Variants in RTN4RL1 observed in about 807,000 individuals in gnomAD.
RTN4RL1 encodes the protein reticulon 4 receptor like 1.
Under a neutral mutation model 25.6 loss-of-function variants are expected in RTN4RL1, and 7 were observed. That is an observed-to-expected ratio of 0.27 (90% CI 0.16 to 0.51). The LOEUF is 0.51. RTN4RL1 is among the 20% of genes least tolerant of loss of function. The pLI is 0.97. For missense variants in RTN4RL1, 500 were observed against 615.6 expected (o/e 0.81, Z 1.99); for synonymous variants, 297 against 288.2 (o/e 1.03, Z -0.31).
intron 1 of RTN4RL1, among the ~76,000 whole-genome samples, chr17:1,941,974 G>A (rs1915447327): frequency 6.6e-6 from 1 of 152,214 alleles, no homozygotes. Context: ...ATGTGCAGAA[G>A]TGAGGCCCGA....
chr17:1,962,008 G>A (rs1006652785), intron 1 of RTN4RL1, among the ~76,000 whole-genome samples: 2 of 151,224 alleles, frequency 1.3e-5, no homozygotes, highest in South Asian at 4.2e-4. Flanking sequence ...CAGGCCGGGC[G>A]TGGTGGCTCA....
chr17:1,964,942 C>G (rs2066783361), intron 1 of RTN4RL1, among the ~76,000 whole-genome samples: 1 of 150,306 alleles, frequency 6.7e-6, no homozygotes, highest in African/African-American at 2.4e-5. Flanking sequence ...GCGTGCGCCA[C>G]CACGCCTGGC....
intron 1 of RTN4RL1, among the ~76,000 whole-genome samples, chr17:1,967,742 C>T (rs551521953): frequency 1.3e-5 from 2 of 152,156 alleles, no homozygotes; most frequent in East Asian, 1.9e-4. Context: ...CAGGTTTAAG[C>T]GATTCTCCTG....
chr17:1,960,254 T>A (rs1384628529), intron 1 of RTN4RL1, among the ~76,000 whole-genome samples: 1 of 114,960 alleles, frequency 8.7e-6, no homozygotes, highest in Non-Finnish European at 1.6e-5. Flanking sequence ...CCACCCTCAC[T>A]GGTCTCCCTG....
chr17:1,961,625 A>G (rs2066761727), intron 1 of RTN4RL1, among the ~76,000 whole-genome samples: 1 of 151,866 alleles, frequency 6.6e-6, no homozygotes, highest in Admixed American at 6.6e-5. Context: ...CACCCCACAG[A>G]CACAAAGAAA....
intron 1 of RTN4RL1, among the ~76,000 whole-genome samples, chr17:1,999,392 A>G (rs2066946007): frequency 6.6e-6 from 1 of 151,374 alleles, no homozygotes; most frequent in Non-Finnish European, 1.5e-5. Context: ...ATTGCAGTGA[A>G]CCGAGATCGC....
intron 1 of RTN4RL1, among the ~76,000 whole-genome samples, chr17:1,953,583 T>C (rs1915728215): frequency 6.6e-6 from 1 of 151,870 alleles, no homozygotes; most frequent in African/African-American, 2.4e-5. Flanking sequence ...AATTTTTTTT[T>C]GAGACAGAGT....
At chr17:1,988,227 GC>G (rs1307861635) in intron 1 of RTN4RL1, among the ~76,000 whole-genome samples, 2 of 151,830 alleles carry the variant, frequency 1.3e-5, no homozygotes, top group African/African-American at 4.8e-5. Flanking sequence ...GACCATCCTG[GC>G]CAATGGTGAA....
intron 1 of RTN4RL1, among the ~76,000 whole-genome samples, chr17:1,951,918 A>C (rs1194054173): frequency 6.6e-6 from 1 of 152,182 alleles, no homozygotes; most frequent in Non-Finnish European, 1.5e-5. Context: ...GAGTGGGATG[A>C]AGATCGAATG....
At chr17:1,944,551 A>G (rs1216719025) in intron 1 of RTN4RL1, among the ~76,000 whole-genome samples, 2 of 152,074 alleles carry the variant, frequency 1.3e-5, no homozygotes, top group African/African-American at 4.8e-5. Context: ...CAACCTCCTG[A>G]GTTCAAGTGA....
chr17:2,000,317 G>A (rs1338378217), intron 1 of RTN4RL1, among the ~76,000 whole-genome samples: 2 of 152,088 alleles, frequency 1.3e-5, no homozygotes, highest in African/African-American at 4.8e-5. Flanking sequence ...GGCAGGGAAG[G>A]GACACAAAGT....
At chr17:1,999,821 C>T (rs1294673766) in intron 1 of RTN4RL1, among the ~76,000 whole-genome samples, 11 of 152,266 alleles carry the variant, frequency 7.2e-5, no homozygotes, top group Admixed American at 7.2e-4. Flanking sequence ...TATAAATAGC[C>T]ACCTCCCTCC....
At chr17:1,985,308 G>A (rs144576308) in intron 1 of RTN4RL1, among the ~76,000 whole-genome samples, 52 of 152,282 alleles carry the variant, frequency 3.4e-4, no homozygotes, top group African/African-American at 1.0e-3. Context: ...AACTCTGCCC[G>A]GAAATGTGGG....
intron 1 of RTN4RL1, among the ~76,000 whole-genome samples, chr17:2,003,833 G>C (rs1463285139): frequency 6.6e-6 from 1 of 152,242 alleles, no homozygotes; most frequent in Non-Finnish European, 1.5e-5. Context: ...AGCTTTGGGA[G>C]TCTGAGGCGG....
At chr17:1,964,057 C>T (rs2066778059) in intron 1 of RTN4RL1, among the ~76,000 whole-genome samples, 1 of 152,082 alleles carries the variant, frequency 6.6e-6, no homozygotes, top group African/African-American at 2.4e-5. Context: ...GGAGGAGGTC[C>T]TGGAGGCAGG....
intron 1 of RTN4RL1, among the ~76,000 whole-genome samples, chr17:1,991,098 C>A (rs1002148945): frequency 6.6e-6 from 1 of 152,166 alleles, no homozygotes; most frequent in Non-Finnish European, 1.5e-5. Flanking sequence ...AGATTCCATT[C>A]GATTCAGCAA....
chr17:2,004,544 T>C (rs2066980974), intron 1 of RTN4RL1, among the ~76,000 whole-genome samples: 1 of 152,068 alleles, frequency 6.6e-6, no homozygotes, highest in Non-Finnish European at 1.5e-5. Context: ...GACTGGCAGT[T>C]CTTGGATGAT....
intron 1 of RTN4RL1, chr17:2,019,682 T>C (rs897602629): frequency 8.5e-5 from 13 of 152,210 alleles, no homozygotes; most frequent in African/African-American, 2.9e-4. Flanking sequence ...AACAGAGCCA[T>C]GTAACCGCCC....
intron 1 of RTN4RL1, chr17:2,019,805 T>C (rs1032156271): frequency 6.6e-6 from 1 of 152,232 alleles, no homozygotes; most frequent in Admixed American, 6.5e-5. Flanking sequence ...AGTTTCCCTG[T>C]AGAAAATGGA....
Sources: allele counts gnomAD v4.1 joint callset (sites outside exome capture counted in the v4.1 genomes callset), GRCh38; gene constraint gnomAD v4.1.1; transcripts MANE v1.5; gene names NCBI Gene and HGNC (gene_info 2026-07-23, HGNC 2026-07-21).